Variants in LGR5 observed in about 807,000 individuals in gnomAD.
LGR5 encodes leucine rich repeat containing G protein-coupled receptor 5, also known as leucine-rich repeat-containing G protein-coupled receptor 5.
Under a neutral mutation model 76.7 loss-of-function variants are expected in LGR5, and 54 were observed. The ratio of observed to expected loss-of-function variants is 0.70; its 90% CI spans 0.57 to 0.88. The LOEUF (loss-of-function observed/expected upper bound fraction) is 0.88, where lower values mean the gene tolerates loss of function less well. Ranked by LOEUF, LGR5 falls within the 40% of genes least tolerant of loss-of-function variation. LGR5 has a pLI of 0.00. For synonymous variants in LGR5, 406 were observed against 421.9 expected, an observed-to-expected ratio of 0.96 and a Z score of 0.46; for missense variants, 1,078 against 1,073.3, an observed-to-expected ratio of 1.00 and a Z score of -0.06.
chr12:71,444,773 G>A (rs1394077483), intron 1 of LGR5, among the ~76,000 whole-genome samples: 4 of 152,010 alleles, frequency 2.6e-5, no homozygotes, highest in Non-Finnish European at 5.9e-5. Flanking sequence ...TGAGAGTTAA[G>A]TATTTTATCT....
intron 1 of LGR5, among the ~76,000 whole-genome samples, chr12:71,447,698 C>T (rs1432456938): frequency 1.3e-5 from 2 of 152,248 alleles, no homozygotes; most frequent in African/African-American, 4.8e-5. Flanking sequence ...CAACAAGAAA[C>T]AATTCCCTTT....
chr12:71,467,859 C>G (rs1872928506), intron 1 of LGR5, among the ~76,000 whole-genome samples: 1 of 152,144 alleles, frequency 6.6e-6, no homozygotes, highest in African/African-American at 2.4e-5. Context: ...ATTGTTTAAA[C>G]TTGCAAAGCA....
chr12:71,442,714 G>T (rs377353371), intron 1 of LGR5, among the ~76,000 whole-genome samples: 8 of 152,326 alleles, frequency 5.3e-5, no homozygotes, highest in African/African-American at 1.7e-4. Flanking sequence ...TGGGGGCTTT[G>T]TTGGTTTCTT....
rs148286999 is a variant in LGR5, at chr12:71,474,040, C to T, written c.213-30574C>T. 6.3e-3 allele frequency among the ~76,000 whole-genome samples: 957 copies of T among 152,190 alleles called. 6 individuals are homozygous for T. The highest frequency in any genetic ancestry group is 0.01 in the Non-Finnish European group (681 of 68,006). ...TCTTCAAAAATGAGCCCTGGGATCT[C>T]TTTCACATCCTATTTGTTTTCTTTT... On this transcript the variant is annotated intron_variant, in intron 1 of 17. Transcript: ENST00000266674.
chr12:71,489,753 A>T (rs1873983587), intron 1 of LGR5, among the ~76,000 whole-genome samples: 1 of 152,160 alleles, frequency 6.6e-6, no homozygotes, highest in South Asian at 2.1e-4. Context: ...CCAAAAGTGT[A>T]TCTATTGTCT....
intron 1 of LGR5, among the ~76,000 whole-genome samples, chr12:71,480,931 G>A (rs1347626372): frequency 6.6e-6 from 1 of 152,136 alleles, no homozygotes; most frequent in East Asian, 1.9e-4. Flanking sequence ...CTGAGACCCT[G>A]TTCTCTTTCC....
intron 1 of LGR5, among the ~76,000 whole-genome samples, chr12:71,485,937 T>C (rs2137269329): frequency 6.6e-6 from 1 of 152,060 alleles, no homozygotes; most frequent in East Asian, 2.0e-4. Context: ...AGCTAATTTT[T>C]TGTATTTTTA....
In LGR5 at chr12:71,584,953, G is replaced by A. The variant is rs1180625291; in HGVS notation, c.*219G>A. 3.8e-6 allele frequency: 2 copies of A among 522,926 alleles called. No individual in the cohort carries two copies. Among genetic ancestry groups the A allele is most frequent in the South Asian group, 3.2e-5 (1 of 31,574 alleles). The allele number at this position is 522,926 out of a possible 1,614,324, so 32.4% of individuals were successfully genotyped here. A position where few individuals can be genotyped will look rare whatever the true frequency, so the allele number is the denominator to read the frequency against. On this transcript the variant is annotated 3_prime_UTR_variant, in exon 18 of 18. Coordinates refer to ENST00000266674, the MANE Select transcript of LGR5 (RefSeq NM_003667.4). The stretch of plus-strand genomic sequence containing the variant: ...GTATAATTTGTTCAGCTAAGGGATA[G>A]ATCGATCACACTATTTAAGTGAGCC...
intron 2 of LGR5, among the ~76,000 whole-genome samples, chr12:71,517,489 A>T (rs1186821478): frequency 1.3e-5 from 2 of 152,208 alleles, no homozygotes; most frequent in Non-Finnish European, 2.9e-5. Context: ...AAACTAATTT[A>T]AAAAAATAAA....
intron 1 of LGR5, among the ~76,000 whole-genome samples, chr12:71,449,869 T>C (rs1872177028): frequency 6.6e-6 from 1 of 152,228 alleles, no homozygotes; most frequent in African/African-American, 2.4e-5. Context: ...CTAAGCTGTA[T>C]ATCTAAGGTC....
chr12:71,520,625 T>C (rs774713735), intron 2 of LGR5, among the ~76,000 whole-genome samples: 13 of 144,272 alleles, frequency 9.0e-5, no homozygotes, highest in Admixed American at 2.2e-4. Flanking sequence ...GAAGAGAAAA[T>C]CAAACAACGC....
intron 8 of LGR5, among the ~76,000 whole-genome samples, chr12:71,563,472 C>T (rs1878162402): frequency 6.6e-6 from 1 of 152,186 alleles, no homozygotes; most frequent in African/African-American, 2.4e-5. Context: ...GTGAAATGTG[C>T]GTTCAGGATG....
intron 2 of LGR5, among the ~76,000 whole-genome samples, chr12:71,517,863 A>G (rs1048199527): frequency 2.0e-5 from 3 of 152,070 alleles, no homozygotes; most frequent in African/African-American, 7.2e-5. Context: ...TGGATTATAC[A>G]TAATGTAACC....
In LGR5 at chr12:71,584,003, T is replaced by A. The variant is rs1368294032; in HGVS notation, c.1993T>A (p.Ser665Thr). 1 of 1,614,124 alleles carries A rather than the reference T, an allele frequency of 6.2e-7. No homozygotes were observed. The highest frequency in any genetic ancestry group is 8.5e-7 in the Non-Finnish European group (1 of 1,180,064). Residue 665 changes from serine to threonine, a missense_variant, in exon 18 of 18, where the codon TCT (serine) becomes ACT (threonine). By Grantham distance (58) the Ser-to-Thr change is moderately conservative. Transcript: ENST00000266674. The part of the protein sequence containing the change: ...LTLAALERGF[S>T]VKYSAKFETK... ...TCTGGCAGCCCTGGAGCGTGGGTTC[T>A]CTGTGAAATATTCTGCAAAATTTGA...
At chr12:71,514,859 G>A (rs1004305716) in intron 2 of LGR5, among the ~76,000 whole-genome samples, 4 of 152,204 alleles carry the variant, frequency 2.6e-5, no homozygotes, top group African/African-American at 7.2e-5. Context: ...AACAATGGAA[G>A]GGGGTAGATA....
intron 1 of LGR5, among the ~76,000 whole-genome samples, chr12:71,456,913 A>G (rs1872505288): frequency 6.6e-6 from 1 of 152,064 alleles, no homozygotes. Context: ...GTCTTGGGTA[A>G]CGTAACTCCC....
chr12:71,443,099 C>A (rs947759422), intron 1 of LGR5, among the ~76,000 whole-genome samples: 1 of 152,064 alleles, frequency 6.6e-6, no homozygotes, highest in African/African-American at 2.4e-5. Flanking sequence ...CAATCCCCTT[C>A]AAAAAAAGAA....
chr12:71,517,353 G>A (rs1875495821), intron 2 of LGR5, among the ~76,000 whole-genome samples: 1 of 152,198 alleles, frequency 6.6e-6, no homozygotes, highest in African/African-American at 2.4e-5. Context: ...CAGGTCAGTG[G>A]TTCCACAGGT....
chr12:71,579,028 T>G, intron 15 of LGR5, 99 bp downstream of exon 15: 1 of 1,125,646 alleles, frequency 8.9e-7, no homozygotes, highest in Admixed American at 2.7e-5. Flanking sequence ...GTGAGACACT[T>G]TTGAATTGCA....
Sources: allele counts gnomAD v4.1 joint callset (sites outside exome capture counted in the v4.1 genomes callset), GRCh38; gene constraint gnomAD v4.1.1; transcripts MANE v1.5; gene names NCBI Gene and HGNC (gene_info 2026-07-23, HGNC 2026-07-21).